The following PDE4D variants were observed in gnomAD, a reference collection of about 807,000 sequenced individuals.
The protein encoded by PDE4D is phosphodiesterase 4D.
In PDE4D, 24 loss-of-function variants were observed where a neutral mutation model predicts 87.4. The observed-to-expected ratio is 0.27, with a 90% CI of 0.20 to 0.39. The LOEUF (loss-of-function observed/expected upper bound fraction) is 0.39, where lower values mean the gene tolerates loss of function less well. Ranked by LOEUF, PDE4D falls within the 10% of genes least tolerant of loss-of-function variation. The pLI is 1.00. For synonymous variants in PDE4D, 384 were observed against 383.2 expected, an observed-to-expected ratio of 1.00 and a Z score of -0.02; for missense variants, 714 against 1,041.0, an observed-to-expected ratio of 0.69 and a Z score of 4.32.
intron 1 of PDE4D, among the ~76,000 whole-genome samples, chr5:59,782,173 A>T (rs1210613047): frequency 6.6e-6 from 1 of 152,174 alleles, no homozygotes; most frequent in Non-Finnish European, 1.5e-5. Flanking sequence ...CCAACTCTAA[A>T]ATACTGCTGC....
rs186625680 is a variant in PDE4D at position 60,286,308 on chromosome 5, G to A, written c.-89-100621C>T. Among the ~76,000 whole-genome samples, 389 of 152,238 alleles carry A rather than the reference G, an allele frequency of 2.6e-3. 1 individual carries two copies. Among genetic ancestry groups the A allele is most frequent in the Non-Finnish European group, 4.9e-3 (330 of 68,026 alleles). ...ACAACAAGCCATTGTAGATACTTAA[G>A]TAATATTGTCTAAAGAAAAACAACA... On this transcript the variant is annotated intron_variant, in intron 1 of 16. Coordinates refer to the PDE4D transcript ENST00000502484.
At chr5:59,701,338 G>A (rs532596634) in intron 1 of PDE4D, among the ~76,000 whole-genome samples, 6 of 152,218 alleles carry the variant, frequency 3.9e-5, no homozygotes, top group South Asian at 4.1e-4. Flanking sequence ...GATAATCTAC[G>A]TAAATATTTG....
intron 1 of PDE4D, among the ~76,000 whole-genome samples, chr5:60,258,586 T>C (rs964106607): frequency 7.9e-5 from 12 of 151,944 alleles, no homozygotes; most frequent in East Asian, 5.8e-4. Flanking sequence ...TTTGAAAATA[T>C]TCAAAAGGAA....
At chr5:60,370,405 C>G (rs1760920936) in intron 1 of PDE4D, among the ~76,000 whole-genome samples, 1 of 152,182 alleles carries the variant, frequency 6.6e-6, no homozygotes, top group African/African-American at 2.4e-5. Flanking sequence ...AACAGAATCT[C>G]TGGAACTAAG....
At chr5:60,149,821 T>TATATACACAC (rs1781341973) in intron 2 of PDE4D, among the ~76,000 whole-genome samples, 1 of 148,038 alleles carries the variant, frequency 6.8e-6, no homozygotes, top group Admixed American at 6.8e-5. Flanking sequence ...TATATACAGA[T>TATATACACAC]ATATAGTATA....
intron 1 of PDE4D, among the ~76,000 whole-genome samples, chr5:59,391,587 G>T (rs938845331): frequency 6.6e-6 from 1 of 152,090 alleles, no homozygotes; most frequent in Non-Finnish European, 1.5e-5. Flanking sequence ...GAGGGATCTT[G>T]TTAACATCTG....
chr5:58,972,856 T>G lies in PDE4D; in HGVS notation c.*1808A>C, dbSNP rs1292661595. ...TCAGCCAAGAGTGATCTCTAATTTT[T>G]TATTTAACCAGAATTTTTACCAATA... On this transcript the variant is annotated 3_prime_UTR_variant, in exon 15 of 15. Transcript: ENST00000340635. 1 of 151,504 alleles carries G rather than the reference T, an allele frequency of 6.6e-6. No individual in the cohort carries two copies. Among genetic ancestry groups the G allele is most frequent in the Non-Finnish European group, 1.5e-5 (1 of 67,876 alleles). The allele number at this position is 151,504 out of a possible 1,614,324, so 9.4% of individuals were successfully genotyped here.
intron 1 of PDE4D, among the ~76,000 whole-genome samples, chr5:60,316,112 C>T (rs2149825557): frequency 6.6e-6 from 1 of 152,260 alleles, no homozygotes; most frequent in Middle Eastern, 3.4e-3. Context: ...ATTCTTCCTA[C>T]CCATGATTAT....
chr5:59,999,222 C>G (rs142455852), intron 2 of PDE4D, among the ~76,000 whole-genome samples: 4 of 152,262 alleles, frequency 2.6e-5, no homozygotes, highest in African/African-American at 9.6e-5. Flanking sequence ...TATGACTTCT[C>G]CCTTAGGAGA....
chr5:60,146,129 G>A (rs979525603), intron 2 of PDE4D, among the ~76,000 whole-genome samples: 7 of 152,162 alleles, frequency 4.6e-5, no homozygotes, highest in African/African-American at 1.4e-4. Flanking sequence ...CATGAGAATC[G>A]CTTGAGCCTG....
intron 1 of PDE4D, among the ~76,000 whole-genome samples, chr5:59,658,457 C>T (rs1234968912): frequency 6.6e-6 from 1 of 152,018 alleles, no homozygotes; most frequent in East Asian, 1.9e-4. Flanking sequence ...TGTCGGCTCA[C>T]TGCAAGCTCT....
chr5:59,105,021 T>C (rs1311070981), intron 5 of PDE4D, among the ~76,000 whole-genome samples: 1 of 152,218 alleles, frequency 6.6e-6, no homozygotes, highest in Admixed American at 6.5e-5. Context: ...AGCCAATTAT[T>C]CTTGGCACGT....
At chr5:60,273,243 G>A (rs1751000392) in intron 1 of PDE4D, among the ~76,000 whole-genome samples, 1 of 152,050 alleles carries the variant, frequency 6.6e-6, no homozygotes, top group South Asian at 2.1e-4. Context: ...CAGAGGTAGT[G>A]TCTTAGCAAA....
chr5:60,156,555 C>T (rs1781992780), intron 2 of PDE4D, among the ~76,000 whole-genome samples: 1 of 152,108 alleles, frequency 6.6e-6, no homozygotes, highest in Non-Finnish European at 1.5e-5. Flanking sequence ...AACATAATCA[C>T]TTCTGGATTA....
intron 2 of PDE4D, among the ~76,000 whole-genome samples, chr5:60,037,234 C>A (rs983123815): frequency 6.6e-6 from 1 of 152,020 alleles, no homozygotes; most frequent in Non-Finnish European, 1.5e-5. Context: ...ACATGCAATA[C>A]AATATGTTAA....
chr5:60,326,930 G>T (rs1308513674), intron 1 of PDE4D, among the ~76,000 whole-genome samples: 2 of 152,010 alleles, frequency 1.3e-5, no homozygotes, highest in African/African-American at 4.8e-5. Flanking sequence ...AAGTTCCCAG[G>T]CTTTCTCTCC....
At chr5:59,175,382 C>CA (rs1477683618) in intron 5 of PDE4D, among the ~76,000 whole-genome samples, 3 of 147,648 alleles carry the variant, frequency 2.0e-5, no homozygotes, top group Non-Finnish European at 4.5e-5. Flanking sequence ...GCTTTAGGAA[C>CA]AAAAAAATGT....
rs543265682 is a variant in PDE4D at position 60,147,375 on chromosome 5, G to T, written c.42+38182C>A. On this transcript the variant is annotated intron_variant, in intron 2 of 16. Coordinates refer to the PDE4D transcript ENST00000502484. ...TGGTGACCAAGTGCTGGCGGTGAAT[G>T]GGCCACGCTGCATTCATTATTTACC... Among the ~76,000 whole-genome samples the T allele has an allele frequency of 3.4e-3, 514 of 151,958 alleles. 3 individuals carry two copies. The highest frequency in any genetic ancestry group is 6.2e-3 in the Non-Finnish European group (420 of 67,916).
chr5:59,498,635 A>G (rs1807671002), intron 1 of PDE4D, among the ~76,000 whole-genome samples: 1 of 152,052 alleles, frequency 6.6e-6, no homozygotes. Flanking sequence ...CACTATTCTA[A>G]TATCAGAAAA....
Sources: allele counts gnomAD v4.1 joint callset (sites outside exome capture counted in the v4.1 genomes callset), GRCh38; gene constraint gnomAD v4.1.1; transcripts MANE v1.5; gene names NCBI Gene and HGNC (gene_info 2026-07-23, HGNC 2026-07-21).